Variants in ICE1 observed in about 807,000 individuals in gnomAD.
ICE1 encodes the protein little elongation complex subunit 1.
Under a neutral mutation model 192.7 loss-of-function variants are expected in ICE1, and 64 were observed. The observed-to-expected ratio is 0.33, with a 90% CI of 0.27 to 0.41. The LOEUF is 0.41. Among genes scored for constraint, ICE1 ranks in the 10% least tolerant of loss-of-function variants. The pLI is 1.00. For synonymous variants in ICE1, 1,010 were observed against 984.5 expected (o/e 1.03, Z -0.49); for missense variants, 2,708 against 2,696.0 (o/e 1.00, Z -0.10).
At chr5:5,458,613 A>G (rs1052407277) in intron 12 of ICE1, among the ~76,000 whole-genome samples, 8 of 152,144 alleles carry the variant, frequency 5.3e-5, no homozygotes, top group Non-Finnish European at 8.8e-5. Context: ...CTGTTCTCAC[A>G]AGAATGTAGA....
rs1400685894 is a variant in ICE1, at chr5:5,461,802, T to C, written c.2468T>C (p.Met823Thr). Residue 823 changes from methionine (M) to threonine (T), a missense_variant, in exon 13 of 19, where the codon ATG becomes ACG. Physicochemically the swap from Met to Thr is moderately conservative, Grantham distance 81 (BLOSUM62 -1). Transcript: ENST00000296564. ...QKTSHQLQKA[M>T]PFLQNRGPTP... ...ACTAGCCATCAGTTACAAAAGGCAA[T>C]GCCATTCCTACAAAATAGAGGACCA... is the stretch of plus-strand genomic sequence containing the variant. 1.2e-6 allele frequency: 2 copies of C among 1,613,848 alleles called. No homozygotes were observed. Among genetic ancestry groups the C allele is most frequent in the Admixed American group, 3.3e-5 (2 of 60,000 alleles).
At chr5:5,436,544 C>CTT in intron 2 of ICE1, 68 bp downstream of exon 2, 1 of 865,828 alleles carries the variant, frequency 1.2e-6, no homozygotes, top group Non-Finnish European at 1.7e-6. Context: ...GCAGGCGGTG[C>CTT]TTTTAGGCCC....
At chr5:5,480,991 G>C (rs1303224535) in intron 17 of ICE1, among the ~76,000 whole-genome samples, 1 of 152,170 alleles carries the variant, frequency 6.6e-6, no homozygotes, top group Admixed American at 6.5e-5. Flanking sequence ...ATACCCTCAA[G>C]AACAATTTTC....
chr5:5,489,824 G>A lies in ICE1; in HGVS notation c.*494G>A, dbSNP rs1196870240. 6.6e-6 allele frequency: 1 copy of A among 152,536 alleles called. No individual in the cohort carries two copies. Among genetic ancestry groups the A allele is most frequent in the Non-Finnish European group, 1.5e-5 (1 of 68,324 alleles). 9.4% of individuals were successfully genotyped at this position (152,536 alleles called of 1,614,324 possible). A position where few individuals can be genotyped will look rare whatever the true frequency, so the allele number is the denominator to read the frequency against. On this transcript the variant is annotated 3_prime_UTR_variant, in exon 19 of 19. Coordinates refer to ENST00000296564, the MANE Select transcript of ICE1 (RefSeq NM_015325.3). ...AATGAGTTGCAAAAGTTTTTCTCAAGATGTAGTGCGTAATTGATCAGAGCA... is the reference window on the plus strand; with the variant it reads ...AATGAGTTGCAAAAGTTTTTCTCAAAATGTAGTGCGTAATTGATCAGAGCA...
chr5:5,423,362 C>T (rs1370953557), intron 1 of ICE1, among the ~76,000 whole-genome samples: 3 of 152,092 alleles, frequency 2.0e-5, no homozygotes, highest in African/African-American at 7.2e-5. Context: ...GCAGTTATCT[C>T]CCTGAGGATA....
At chr5:5,444,096 A>G (rs968227197) in intron 6 of ICE1, among the ~76,000 whole-genome samples, 193 bp from the exon 7 acceptor site, 3 of 152,204 alleles carry the variant, frequency 2.0e-5, no homozygotes, top group Non-Finnish European at 2.9e-5. Flanking sequence ...AAGTGGAAAG[A>G]ACAGAATTTT....
At chr5:5,445,982 G>A (rs1269816687) in intron 7 of ICE1, among the ~76,000 whole-genome samples, 1 of 151,904 alleles carries the variant, frequency 6.6e-6, no homozygotes, top group Non-Finnish European at 1.5e-5. Context: ...GCCTCCCAAA[G>A]TGCTGGGATT....
chr5:5,483,357 A>G (rs1471109042), intron 17 of ICE1, among the ~76,000 whole-genome samples: 1 of 152,232 alleles, frequency 6.6e-6, no homozygotes, highest in East Asian at 1.9e-4. Flanking sequence ...GTGGACAGTA[A>G]AACAAGCTTT....
intron 15 of ICE1, among the ~76,000 whole-genome samples, chr5:5,470,139 C>T (rs1172069100): frequency 6.6e-6 from 1 of 152,052 alleles, no homozygotes; most frequent in African/African-American, 2.4e-5. Context: ...TTAACTGTTC[C>T]CAGAGGGTTA....
intron 1 of ICE1, among the ~76,000 whole-genome samples, chr5:5,433,878 A>G (rs559647480): frequency 2.8e-4 from 43 of 152,252 alleles, no homozygotes; most frequent in Admixed American, 2.0e-3. Flanking sequence ...AGCAAGGGAA[A>G]GGCATCCTAG....
chr5:5,488,560 A>C (rs529700567), intron 18 of ICE1, among the ~76,000 whole-genome samples: 2 of 152,312 alleles, frequency 1.3e-5, no homozygotes, highest in African/African-American at 4.8e-5. Flanking sequence ...AGTAAATGAA[A>C]TTTTCATAAC....
At position 5,460,525 on chromosome 5, in the gene ICE1, A is replaced by G; in HGVS notation, c.1191A>G (p.Thr397=). The change falls in exon 13 of 19, where the codon ACA becomes ACG. Residue 397 remains threonine (T), a synonymous_variant. Coordinates refer to ENST00000296564, the MANE Select transcript of ICE1 (RefSeq NM_015325.3). ...NSAECVSEDD[T]TESQNYFGSL... ...CTGAGTGTGTTTCAGAAGATGATAC[A>G]ACTGAATCACAGAATTATTTTGGCT... is the stretch of plus-strand genomic sequence containing the variant. 1 of 1,612,108 alleles carries G rather than the reference A, an allele frequency of 6.2e-7. No individual in the cohort carries two copies. Among genetic ancestry groups the G allele is most frequent in the Non-Finnish European group, 8.5e-7 (1 of 1,178,876 alleles).
At chr5:5,450,276 A>G (rs941458971) in intron 10 of ICE1, among the ~76,000 whole-genome samples, 6 of 152,222 alleles carry the variant, frequency 3.9e-5, no homozygotes, top group African/African-American at 9.6e-5. Context: ...TAAAAATCCA[A>G]TTGTATAAAT....
chr5:5,473,246 C>G (rs1739217267), intron 15 of ICE1, among the ~76,000 whole-genome samples: 2 of 152,152 alleles, frequency 1.3e-5, no homozygotes, highest in African/African-American at 4.8e-5. Context: ...TTATAACTAG[C>G]TTTCTAACTT....
chr5:5,487,101 ACT>A (rs1455644170), intron 18 of ICE1, among the ~76,000 whole-genome samples: 2 of 151,812 alleles, frequency 1.3e-5, no homozygotes, highest in African/African-American at 2.4e-5. Flanking sequence ...TGCCTCTAAA[ACT>A]CTGTACTGTG....
At chr5:5,447,603 G>A in intron 8 of ICE1, 94 bp downstream of exon 8, 1 of 1,355,260 alleles carries the variant, frequency 7.4e-7, no homozygotes, top group Non-Finnish European at 1.0e-6. Flanking sequence ...GAGTCAACAT[G>A]AGGCCCCCTG....
intron 4 of ICE1, among the ~76,000 whole-genome samples, chr5:5,440,231 T>C (rs1009135925): frequency 2.6e-5 from 4 of 152,240 alleles, no homozygotes; most frequent in Non-Finnish European, 4.4e-5. Context: ...GTTCACACTT[T>C]AATGTGGTGG....
rs1462335569 is a variant in ICE1 at position 5,461,854 on chromosome 5, AAAT to A, written c.2523_2525del (p.Asn843del). The A allele has an allele frequency of 6.2e-7, 1 of 1,613,984 alleles. No homozygotes were observed. The highest frequency in any genetic ancestry group is 8.5e-7 in the Non-Finnish European group (1 of 1,179,894). On this transcript the variant is annotated inframe_deletion, in exon 13 of 19. Coordinates refer to ENST00000296564, the MANE Select transcript of ICE1 (RefSeq NM_015325.3). ...CACCCAAGCCTGATCTTCTTAGAGA[AAAT>A]AACAATCCTGTAGAATTCAAGACCA... is the stretch of plus-strand genomic sequence containing the variant.
rs962829565 is a variant in ICE1, at chr5:5,432,813, C to T, written c.85-3605C>T. The stretch of plus-strand genomic sequence containing the variant: ...GCAAATATAATATTATTTATCTCAT[C>T]CTATTAATAAACATTTTTTAAGTTT... On this transcript the variant is annotated intron_variant, in intron 1 of 18. Coordinates refer to ENST00000296564, the MANE Select transcript of ICE1 (RefSeq NM_015325.3). Among the ~76,000 whole-genome samples, 5 of 152,120 alleles carry T rather than the reference C, an allele frequency of 3.3e-5. No homozygotes were observed. The South Asian group carries it at 6.2e-4, about 19-fold the overall frequency.
Sources: allele counts gnomAD v4.1 joint callset (sites outside exome capture counted in the v4.1 genomes callset), GRCh38; gene constraint gnomAD v4.1.1; transcripts MANE v1.5; gene names NCBI Gene and HGNC (gene_info 2026-07-23, HGNC 2026-07-21).